Variants in AARS1 observed in about 807,000 individuals in gnomAD.
AARS1 encodes alanyl-tRNA synthetase 1, also known as alanine--tRNA ligase, cytoplasmic.
Under a neutral mutation model 108.9 loss-of-function variants are expected in AARS1, and 72 were observed. The ratio of observed to expected loss-of-function variants is 0.66; its 90% CI spans 0.55 to 0.80. The LOEUF (loss-of-function observed/expected upper bound fraction) is 0.80. Ranked by LOEUF, AARS1 falls within the 30% of genes least tolerant of loss-of-function variation. The pLI, the probability that AARS1 is intolerant of heterozygous loss-of-function variation, is 0.00. For synonymous variants in AARS1, 489 were observed against 465.7 expected, an observed-to-expected ratio of 1.05 and a Z score of -0.64; for missense variants, 1,193 against 1,233.2, an observed-to-expected ratio of 0.97 and a Z score of 0.49.
chr16:70,281,710 G>A (rs1299397903), intron 2 of AARS1, among the ~76,000 whole-genome samples: 1 of 152,020 alleles, frequency 6.6e-6, no homozygotes, highest in African/African-American at 2.4e-5. Context: ...TTTAAAAGCT[G>A]ACATGGTAGA....
chr16:70,271,412 C>T (rs895812223), intron 5 of AARS1, among the ~76,000 whole-genome samples: 4 of 149,228 alleles, frequency 2.7e-5, no homozygotes, highest in African/African-American at 9.9e-5. Flanking sequence ...CCTGTAATCC[C>T]AGCTACTCGG....
At chr16:70,260,369 T>G (rs190481423) in intron 13 of AARS1, among the ~76,000 whole-genome samples, 96 of 152,228 alleles carry the variant, frequency 6.3e-4, no homozygotes, top group Middle Eastern at 3.4e-3. Context: ...CGTATCAGCT[T>G]GAGCTTTTTA....
rs34369477 is a variant in AARS1 at position 70,288,098 on chromosome 16, CTTTTTTT to C, written c.-22+1316_-22+1322del. On this transcript the variant is annotated intron_variant, in intron 1 of 20. Transcript: ENST00000261772. ...TATTTAAGACAGCCTTCCCCTTCTTCTTTTTTTTTTTTTTTTTTTTTTGAGACGGAGT... is the reference window on the plus strand; with the variant it reads ...TATTTAAGACAGCCTTCCCCTTCTTCTTTTTTTTTTTTTTTGAGACGGAGT... 2.6e-4 allele frequency among the ~76,000 whole-genome samples: 22 copies of C among 83,912 alleles called. No homozygotes were observed. In the East Asian group the frequency reaches 7.9e-3, roughly 30 times the overall value. 55.0% of individuals were successfully genotyped at this position (83,912 alleles called of 152,430 possible). A position where few individuals can be genotyped will look rare whatever the true frequency, so the allele number is the denominator to read the frequency against.
intron 4 of AARS1, among the ~76,000 whole-genome samples, chr16:70,274,996 A>C (rs1341281155): frequency 1.3e-5 from 2 of 152,084 alleles, no homozygotes; most frequent in Admixed American, 1.3e-4. Flanking sequence ...ACAGTGGCTC[A>C]CATCTGTAAT....
chr16:70,276,406 T>C, intron 4 of AARS1, 80 bp downstream of exon 4: 6 of 1,498,396 alleles, frequency 4.0e-6, no homozygotes, highest in Non-Finnish European at 4.6e-6. Context: ...TGACCACATA[T>C]TCCAGGTCAT....
intron 4 of AARS1, 148 bp downstream of exon 4, chr16:70,276,338 G>C: frequency 2.3e-6 from 2 of 882,366 alleles, no homozygotes; most frequent in Non-Finnish European, 3.6e-6. Flanking sequence ...GGGTTCAAGC[G>C]ATTCTCTAGC....
At chr16:70,252,969 G>T (rs1054350019) in intron 20 of AARS1, 63 bp from the exon 21 acceptor site, 2 of 1,548,632 alleles carry the variant, frequency 1.3e-6, no homozygotes. Context: ...GGAATGCAGG[G>T]AAAGAAAGGA....
chr16:70,282,315 C>T (rs905984140), intron 2 of AARS1, among the ~76,000 whole-genome samples: 1 of 114,202 alleles, frequency 8.8e-6, no homozygotes, highest in African/African-American at 3.7e-5. Flanking sequence ...GATGACAGAG[C>T]GAGACTCCGT....
chr16:70,254,029 T>C lies in AARS1; in HGVS notation c.2410A>G (p.Thr804Ala). ...EIADLGEALA[T>A]AVIPQWQKDE... ...TTCTGCCACTGGGGGATGACTGCAG[T>C]GGCCAGGGCCTGGAACCAATAGACG... The change falls in exon 18 of 21, where the codon ACT becomes GCT. Residue 804 changes from threonine to alanine, a missense_variant. Physicochemically the swap from Thr to Ala is moderately conservative, Grantham distance 58 (BLOSUM62 0). Coordinates refer to ENST00000261772, the MANE Select transcript of AARS1 (RefSeq NM_001605.3). 1.2e-6 allele frequency: 2 copies of C among 1,614,108 alleles called. No individual in the cohort carries two copies. Among genetic ancestry groups the C allele is most frequent in the Non-Finnish European group, 1.7e-6 (2 of 1,180,032 alleles).
At chr16:70,287,331 G>A (rs1198622709) in intron 1 of AARS1, among the ~76,000 whole-genome samples, 1 of 150,586 alleles carries the variant, frequency 6.6e-6, no homozygotes, top group African/African-American at 2.5e-5. Flanking sequence ...GGGAGGCTGA[G>A]TCAGGAGAAT....
chr16:70,255,490 G>A (rs554410220), intron 16 of AARS1, among the ~76,000 whole-genome samples: 1 of 152,202 alleles, frequency 6.6e-6, no homozygotes, highest in East Asian at 1.9e-4. Context: ...GAGCCACTGC[G>A]TCCGGCCTGA....
At position 70,258,166 on chromosome 16, in the gene AARS1, G is replaced by C; in HGVS notation, c.2044C>G (p.Leu682Val). ...TAGGTCTCATCAAACACAGCCCGTA[G>C]GCCCTGGATGGCTTTCGCTGCTGCC... Reference protein sequence around the residue: ...PLAAAKAIQGLRAVFDETYPD... With the variant: ...PLAAAKAIQGVRAVFDETYPD... Residue 682 changes from leucine to valine, a missense_variant, in exon 15 of 21, where the codon CTA (leucine) becomes GTA (valine). Coordinates refer to ENST00000261772, the MANE Select transcript of AARS1 (RefSeq NM_001605.3). 6.2e-7 allele frequency: 1 copy of C among 1,608,874 alleles called. No individual in the cohort carries two copies. The highest frequency in any genetic ancestry group is 8.5e-7 in the Non-Finnish European group (1 of 1,177,424).
At chr16:70,255,869 G>A (rs199915272) in intron 15 of AARS1, 33 bp from the exon 16 acceptor site, 37 of 1,594,908 alleles carry the variant, frequency 2.3e-5, no homozygotes, top group Admixed American at 3.5e-5. Flanking sequence ...CATAGTGAAA[G>A]AGGCCCTGGC....
At chr16:70,273,879 A>AAT (rs1222139521) in intron 4 of AARS1, among the ~76,000 whole-genome samples, 2 of 150,498 alleles carry the variant, frequency 1.3e-5, no homozygotes, top group African/African-American at 4.9e-5. Context: ...AAAAAAAAAA[A>AAT]AAAAAAAAAT....
At chr16:70,269,824 C>T in intron 6 of AARS1, 61 bp from the exon 7 acceptor site, 2 of 1,604,402 alleles carry the variant, frequency 1.2e-6, no homozygotes, top group Non-Finnish European at 1.7e-6. Context: ...CTACCTTGCC[C>T]AAGGAGGTTC....
At chr16:70,287,571 T>A (rs1466576909) in intron 1 of AARS1, among the ~76,000 whole-genome samples, 1 of 150,924 alleles carries the variant, frequency 6.6e-6, no homozygotes, top group Non-Finnish European at 1.5e-5. Flanking sequence ...CACCTGAGCC[T>A]GGGAGGTCAA....
chr16:70,276,823 CTT>C (rs1960563447), intron 3 of AARS1, 141 bp downstream of exon 3: 5 of 1,184,644 alleles, frequency 4.2e-6, no homozygotes, highest in Admixed American at 2.0e-5. Context: ...TCCAGGAAGT[CTT>C]AGAATTAATA....
At chr16:70,288,230 G>A (rs1960911408) in intron 1 of AARS1, among the ~76,000 whole-genome samples, 1 of 151,160 alleles carries the variant, frequency 6.6e-6, no homozygotes, top group Non-Finnish European at 1.5e-5. Context: ...AGCCTCCCGA[G>A]TAGCTGGGAC....
At chr16:70,287,094 A>G (rs936018307) in intron 1 of AARS1, among the ~76,000 whole-genome samples, 2 of 151,684 alleles carry the variant, frequency 1.3e-5, no homozygotes, top group African/African-American at 4.8e-5. Flanking sequence ...TACTAAAAAT[A>G]CAAAAAATTA....
Sources: gnomAD v4.1 joint callset for allele counts (sites outside exome capture counted in the v4.1 genomes callset) on GRCh38, gnomAD v4.1.1 for gene constraint, MANE v1.5 for transcripts, NCBI Gene and HGNC (gene_info 2026-07-23, HGNC 2026-07-21) for gene names.